The following BTG4 variants were observed in gnomAD, a reference collection of about 807,000 sequenced individuals.
BTG4 encodes BTG anti-proliferation factor 4.
In BTG4, 10 loss-of-function variants were observed where a neutral mutation model predicts 19.3. The ratio of observed to expected loss-of-function variants is 0.52; its 90% confidence interval spans 0.32 to 0.88. The LOEUF is 0.88. BTG4 is among the 40% of genes least tolerant of loss of function. BTG4 has a pLI of 0.04. For synonymous variants in BTG4, 91 were observed against 95.7 expected (o/e 0.95, Z 0.29); for missense variants, 238 against 281.9 (o/e 0.84, Z 1.11).
chr11:111,413,965 T>C, the BTG4 span, among the ~76,000 whole-genome samples: 1 of 152,138 alleles, frequency 6.6e-6, no homozygotes, highest in Non-Finnish European at 1.5e-5. Context: ...ACCCTCCCCT[T>C]CCCGCCCCCA....
chr11:111,478,208 G>A (rs992627132), intron 5 of BTG4, among the ~76,000 whole-genome samples: 2 of 152,126 alleles, frequency 1.3e-5, no homozygotes, highest in Non-Finnish European at 2.9e-5. Flanking sequence ...AGGCCACCCT[G>A]GCCTCAGTGT....
the BTG4 span, among the ~76,000 whole-genome samples, chr11:111,425,763 G>A: frequency 6.6e-6 from 1 of 152,218 alleles, no homozygotes; most frequent in East Asian, 1.9e-4. Context: ...CGGGCACAGT[G>A]GCTGACGCCT....
chr11:111,394,310 A>G, the BTG4 span, among the ~76,000 whole-genome samples: 2 of 152,206 alleles, frequency 1.3e-5, no homozygotes, highest in Non-Finnish European at 1.5e-5. Flanking sequence ...CTTGAATTGT[A>G]GCTCCCATAA....
the BTG4 span, among the ~76,000 whole-genome samples, chr11:111,411,030 C>G: frequency 6.6e-6 from 1 of 152,188 alleles, no homozygotes; most frequent in African/African-American, 2.4e-5. Context: ...CATTTCTACC[C>G]TAGATTAACG....
At chr11:111,389,807 A>T in the BTG4 span, among the ~76,000 whole-genome samples, 3 of 152,226 alleles carry the variant, frequency 2.0e-5, no homozygotes, top group Non-Finnish European at 4.4e-5. Flanking sequence ...TCTCTTAATT[A>T]ATGTGTCCCA....
At chr11:111,468,596 T>A (rs1863868367) in intron 5 of BTG4, among the ~76,000 whole-genome samples, 2 of 152,226 alleles carry the variant, frequency 1.3e-5, no homozygotes, top group Admixed American at 6.5e-5. Flanking sequence ...AGTTTTTTCA[T>A]GCCAACCTAC....
intron 1 of BTG4, among the ~76,000 whole-genome samples, chr11:111,509,178 G>A (rs116396133): frequency 0.03 from 4,503 of 152,170 alleles, 100 homozygotes; most frequent in Middle Eastern, 0.079. Context: ...TATAAAAACC[G>A]CTGGCAGTTC....
the BTG4 span, chr11:111,454,820 TGGGTTGG>T: frequency 1.1e-5 from 3 of 284,128 alleles, no homozygotes; most frequent in South Asian, 4.2e-5. Context: ...TCCAAGTGTC[TGGGTTGG>T]GGGTTGGGGG....
the BTG4 span, chr11:111,451,285 G>A: frequency 1.6e-5 from 6 of 379,492 alleles, no homozygotes; most frequent in East Asian, 7.4e-5. Context: ...TATGACTGGC[G>A]GCGCTTCCGG....
the BTG4 span, among the ~76,000 whole-genome samples, chr11:111,427,309 G>T: frequency 2.0e-5 from 3 of 152,112 alleles, no homozygotes; most frequent in Non-Finnish European, 4.4e-5. Context: ...CTGTGAAATT[G>T]AGCAGGACCC....
At chr11:111,419,757 G>GT in the BTG4 span, among the ~76,000 whole-genome samples, 28 of 152,100 alleles carry the variant, frequency 1.8e-4, no homozygotes, top group Admixed American at 1.8e-3. Context: ...AGAGAGAGAG[G>GT]CCTGGCAGCG....
the BTG4 span, among the ~76,000 whole-genome samples, chr11:111,389,388 T>C: frequency 6.6e-6 from 1 of 152,228 alleles, no homozygotes; most frequent in South Asian, 2.1e-4. Context: ...AGAAATCTGC[T>C]TCCAAAGATA....
chr11:111,471,162 T>C (rs1048384529), intron 5 of BTG4, among the ~76,000 whole-genome samples: 7 of 152,226 alleles, frequency 4.6e-5, no homozygotes, highest in African/African-American at 1.7e-4. Context: ...AAGTAGGTAG[T>C]GTCTATACTT....
the BTG4 span, among the ~76,000 whole-genome samples, chr11:111,410,692 C>T: frequency 6.6e-6 from 1 of 152,150 alleles, no homozygotes; most frequent in Non-Finnish European, 1.5e-5. Flanking sequence ...AAAGTCCATC[C>T]TACTTTAAAT....
the BTG4 span, among the ~76,000 whole-genome samples, chr11:111,429,781 C>T: frequency 6.6e-6 from 1 of 152,218 alleles, no homozygotes; most frequent in Non-Finnish European, 1.5e-5. Context: ...AAATGGAGAA[C>T]GTAAAGGGGC....
At chr11:111,499,534 C>A (rs548483838) in intron 1 of BTG4, among the ~76,000 whole-genome samples, 64 of 152,286 alleles carry the variant, frequency 4.2e-4, no homozygotes, top group African/African-American at 1.4e-3. Flanking sequence ...TCTATATTTT[C>A]TATTTTGCTA....
At chr11:111,455,783 T>G in the BTG4 span, 1 of 454,864 alleles carries the variant, frequency 2.2e-6, no homozygotes, top group Non-Finnish European at 4.4e-6. Context: ...GACACGGTGC[T>G]GGGCCACCTG....
the BTG4 span, chr11:111,451,293 C>T: frequency 1.5e-5 from 6 of 392,352 alleles, no homozygotes; most frequent in African/African-American, 4.1e-5. Flanking sequence ...GCGGCGCTTC[C>T]GGGCCCTGGC....
At chr11:111,488,009 T>C (rs1008173315) in intron 5 of BTG4, among the ~76,000 whole-genome samples, 1 of 152,120 alleles carries the variant, frequency 6.6e-6, no homozygotes, top group African/African-American at 2.4e-5. Context: ...GAATCAATAG[T>C]GTTAAAATGT....
Sources: allele counts gnomAD v4.1 joint callset (sites outside exome capture counted in the v4.1 genomes callset), GRCh38; gene constraint gnomAD v4.1.1; transcripts MANE v1.5; gene names NCBI Gene and HGNC (gene_info 2026-07-23, HGNC 2026-07-21).